The following CACNA1H variants were observed in gnomAD, a reference collection of about 807,000 sequenced individuals.
CACNA1H encodes calcium voltage-gated channel subunit alpha1 H.
A neutral mutation model predicts 192.5 loss-of-function variants in CACNA1H; 149 were observed. The observed-to-expected ratio is 0.77, with a 90% CI of 0.68 to 0.89. CACNA1H has a LOEUF of 0.89. CACNA1H is among the 40% of genes least tolerant of loss of function. The pLI is 0.00. For missense variants in CACNA1H, 4,257 were observed against 3,423.5 expected (o/e 1.24, Z -6.08); for synonymous variants, 2,202 against 1,475.2 (o/e 1.49, Z -11.29).
In CACNA1H at chr16:1,210,201, C is replaced by G. The variant is rs919906928; in HGVS notation, c.3845+66C>G. The G allele has an allele frequency of 1.8e-5, 24 of 1,353,678 alleles. No individual in the cohort carries two copies. In the East Asian group the frequency reaches 6.0e-4, roughly 34 times the overall value. The allele number at this position is 1,353,678 out of a possible 1,614,324, so 83.9% of individuals were successfully genotyped here. The stretch of plus-strand genomic sequence containing the variant: ...CCCACGGGACCCCCGCCCCCAGGTC[C>G]CTCCTGGGTGGGGCTAGCACATGGT... On this transcript the variant is annotated intron_variant, in intron 18 of 34. Coordinates refer to ENST00000348261, the MANE Select transcript of CACNA1H (RefSeq NM_021098.3).
chr16:1,220,443 T>C lies in CACNA1H; in HGVS notation c.6511T>C (p.Trp2171Arg), dbSNP rs746446797. Reference sequence around the variant, plus strand: ...CGGGGAGCCTGGGGAGGCGAAGGCCTGGGGCCCTGAGGCCGAGCCCGCTCT... The same window carrying C: ...CGGGGAGCCTGGGGAGGCGAAGGCCCGGGGCCCTGAGGCCGAGCCCGCTCT... ...GSGEPGEAKA[W>R]GPEAEPALGA... Residue 2171 changes from tryptophan to arginine, a missense_variant, in exon 35 of 35, where the codon TGG becomes CGG. Transcript: ENST00000348261. The C allele has an allele frequency of 1.9e-6, 3 of 1,538,480 alleles. No homozygotes were observed. Among genetic ancestry groups the C allele is most frequent in the Non-Finnish European group, 2.6e-6 (3 of 1,151,502 alleles).
At chr16:1,215,154 C>A (rs1969905680) in intron 28 of CACNA1H, 73 bp downstream of exon 28, 1 of 1,580,354 alleles carries the variant, frequency 6.3e-7, no homozygotes, top group Non-Finnish European at 8.6e-7. Context: ...GGTGAGGCCG[C>A]AGGCTTTCCC....
rs769258317 is a variant in CACNA1H, at chr16:1,204,147, C to T, written c.2140C>T (p.Leu714Phe). The T allele has an allele frequency of 6.2e-7, 1 of 1,612,392 alleles. No individual in the cohort carries two copies. The highest frequency in any genetic ancestry group is 2.2e-5 in the East Asian group (1 of 44,878). ...TRALEDPEGE[L>F]SGSESGDSDG... ...TGCCCTGGAGGACCCGGAGGGTGAG[C>T]TCAGCGGCTCGGAAAGTGGAGACTC... The change falls in exon 10 of 35, where the codon CTC (leucine) becomes TTC (phenylalanine). Residue 714 changes from leucine (L) to phenylalanine (F), a missense_variant. Transcript: ENST00000348261.
chr16:1,218,076 C>T (rs1284506724), intron 32 of CACNA1H, 36 bp downstream of exon 32: 2 of 1,583,880 alleles, frequency 1.3e-6, no homozygotes, highest in Non-Finnish European at 1.7e-6. Context: ...CACCTGGCAG[C>T]CCCAGCGGTT....
rs1361482518 is a variant in CACNA1H, at chr16:1,167,830, G to A, written c.299+13794G>A. 1.3e-4 allele frequency among the ~76,000 whole-genome samples: 20 copies of A among 152,350 alleles called. No homozygotes were observed. Among genetic ancestry groups the A allele is most frequent in the South Asian group, 2.1e-4 (1 of 4,832 alleles). On this transcript the variant is annotated intron_variant, in intron 2 of 34. Transcript: ENST00000348261. This position sits in a 1 kb window ranked among gnomAD's most constrained non-coding sequence, Gnocchi z 4.2. ...GTGTGCTTAGAAAGTGCACCTGCGA[G>A]GTTGGGGCGTGGCCTGGCCGTCCGT...
At chr16:1,203,940 G>T in intron 9 of CACNA1H, 70 bp from the exon 10 acceptor site, 1 of 1,202,914 alleles carries the variant, frequency 8.3e-7, no homozygotes, top group East Asian at 2.6e-5. Context: ...GCTCCTGTGT[G>T]TGAGGGTTCC....
At position 1,218,029 on chromosome 16, in the gene CACNA1H, G is replaced by A. The variant is rs959922871; in HGVS notation, c.5434G>A (p.Gly1812Arg). ...FRVSTGDNWN[G>R]IMKDTLRECS... ...CGTGTCCACGGGGGACAACTGGAAC[G>A]GGATCATGAAGGTACCCGCCGCGGC... Residue 1812 changes from glycine to arginine, a missense_variant, in exon 32 of 35, where the codon GGG (glycine) becomes AGG (arginine). Gly to Arg is a moderately radical substitution (Grantham distance 125). Coordinates refer to ENST00000348261, the MANE Select transcript of CACNA1H (RefSeq NM_021098.3). The A allele has an allele frequency of 6.3e-7, 1 of 1,599,596 alleles. No individual in the cohort carries two copies.
At chr16:1,170,704 G>T (rs1385922217) in intron 2 of CACNA1H, among the ~76,000 whole-genome samples, 2 of 152,170 alleles carry the variant, frequency 1.3e-5, no homozygotes, top group Admixed American at 6.5e-5. Context: ...AGGGATTTCG[G>T]GGTGAGGGAA....
chr16:1,153,342 GGGGGCC>G lies in CACNA1H; in HGVS notation c.-130_-125del, dbSNP rs943338712. The G allele has an allele frequency of 2.8e-3, 288 of 101,490 alleles. 2 individuals are homozygous for G. Among genetic ancestry groups the G allele is most frequent in the East Asian group, 7.1e-3 (29 of 4,108 alleles). 6.3% of individuals were successfully genotyped at this position (101,490 alleles called of 1,614,324 possible). ...GACGCGGGCCGGGGGCGGAGGCGCT[GGGGGCC>G]GGGGCCGGGGCCGGGGGCGGAGGCG... is the stretch of plus-strand genomic sequence containing the variant. On this transcript the variant is annotated 5_prime_UTR_variant, in exon 1 of 35. Transcript: ENST00000348261.
At position 1,204,408 on chromosome 16, in the gene CACNA1H, A is replaced by G. The variant is rs1489271837; in HGVS notation, c.2401A>G (p.Met801Val). 3 of 1,553,792 alleles carry G rather than the reference A, an allele frequency of 1.9e-6. No homozygotes were observed. The highest frequency in any genetic ancestry group is 2.6e-6 in the Non-Finnish European group (3 of 1,150,738). ...CAAGTACTTCAGCCGTGGCATCATG[A>G]TGGCCATCCTTGTCAACACGCTGAG... ...DSKYFSRGIM[M>V]AILVNTLSMG... The change falls in exon 10 of 35, where the codon ATG becomes GTG. Residue 801 changes from methionine (M) to valine (V), a missense_variant. Coordinates refer to ENST00000348261, the MANE Select transcript of CACNA1H (RefSeq NM_021098.3).
Position 1,208,184 on chromosome 16 carries a change from G to C in CACNA1H, c.3326G>C (p.Ser1109Thr), listed in dbSNP as rs1968979902. The C allele has an allele frequency of 6.5e-7, 1 of 1,548,160 alleles. No individual in the cohort carries two copies. Among genetic ancestry groups the C allele is most frequent in the African/African-American group, 1.4e-5 (1 of 73,044 alleles). Residue 1109 changes from serine to threonine, a missense_variant, in exon 16 of 35, where the codon AGC becomes ACC. Ser to Thr is a moderately conservative substitution (Grantham distance 58, BLOSUM62 1). Coordinates refer to ENST00000348261, the MANE Select transcript of CACNA1H (RefSeq NM_021098.3). ...CCAGACTCTCGGCGTGGCAGCAGCAGCTCCGGGGACCCGCCACTGGGAGAC... is the reference window on the plus strand; with the variant it reads ...CCAGACTCTCGGCGTGGCAGCAGCACCTCCGGGGACCCGCCACTGGGAGAC... The part of the protein sequence containing the change: ...SLPDSRRGSS[S>T]SGDPPLGDQK...
chr16:1,212,377 G>T, intron 25 of CACNA1H, 134 bp from the exon 26 acceptor site: 1 of 1,060,440 alleles, frequency 9.4e-7, no homozygotes, highest in Non-Finnish European at 1.4e-6. Flanking sequence ...CAAGAGGCAG[G>T]TTCCCCACCG....
intron 2 of CACNA1H, among the ~76,000 whole-genome samples, chr16:1,155,684 G>A (rs2084885901): frequency 6.6e-6 from 1 of 152,158 alleles, no homozygotes; most frequent in Non-Finnish European, 1.5e-5. Flanking sequence ...CCCGGGCCTG[G>A]CTGTCCTGTC....
At chr16:1,206,689 C>T (rs1228868396) in intron 12 of CACNA1H, 7 of 458,176 alleles carry the variant, frequency 1.5e-5, no homozygotes, top group Non-Finnish European at 2.4e-5. Context: ...CTTTCACAGT[C>T]CAGAGAGGCT....
At chr16:1,188,670 G>A (rs1277049214) in intron 2 of CACNA1H, among the ~76,000 whole-genome samples, 1 of 152,226 alleles carries the variant, frequency 6.6e-6, no homozygotes, top group Non-Finnish European at 1.5e-5. Flanking sequence ...GCGCTTTCAA[G>A]CTGGGAAGAG....
intron 2 of CACNA1H, among the ~76,000 whole-genome samples, chr16:1,160,584 G>C (rs1219545904): frequency 6.6e-6 from 1 of 152,226 alleles, no homozygotes; most frequent in Non-Finnish European, 1.5e-5. Flanking sequence ...CCGTGGTGCA[G>C]GGGGTGTGCC....
chr16:1,220,408 A>C lies in CACNA1H; in HGVS notation c.6476A>C (p.Glu2159Ala). The change falls in exon 35 of 35, where the codon GAG becomes GCG. Residue 2159 changes from glutamate (E) to alanine (A), a missense_variant. Transcript: ENST00000348261. Reference sequence around the variant, plus strand: ...GACGAGCAGTGGCGGCCCTCGGCGGAGCTGGGCAGCGGGGAGCCTGGGGAG... The same window carrying C: ...GACGAGCAGTGGCGGCCCTCGGCGGCGCTGGGCAGCGGGGAGCCTGGGGAG... ...RADEQWRPSA[E>A]LGSGEPGEAK... 1 of 1,525,768 alleles carries C rather than the reference A, an allele frequency of 6.6e-7. No homozygotes were observed. Among genetic ancestry groups the C allele is most frequent in the Non-Finnish European group, 8.7e-7 (1 of 1,145,802 alleles). The allele number at this position is 1,525,768 out of a possible 1,614,324, so 94.5% of individuals were successfully genotyped here. A position where few individuals can be genotyped will look rare whatever the true frequency, so the allele number is the denominator to read the frequency against.
At position 1,153,737 on chromosome 16, in the gene CACNA1H, C is replaced by G; in HGVS notation, c.-1C>G. On this transcript the variant is annotated 5_prime_UTR_variant, in exon 2 of 35. Transcript: ENST00000348261. ...CTCTGCAGGTGCTGCCGGCCGCCAC[C>G]ATGACCGAGGGCGCACGGGCCGCCG... 8.3e-7 allele frequency: 1 copy of G among 1,208,748 alleles called. No individual in the cohort carries two copies. Among genetic ancestry groups the G allele is most frequent in the Non-Finnish European group, 1.0e-6 (1 of 973,272 alleles). The allele number at this position is 1,208,748 out of a possible 1,614,324, so 74.9% of individuals were successfully genotyped here.
rs1431829953 is a variant in CACNA1H at position 1,218,102 on chromosome 16, G to T, written c.5445+62G>T. Reference sequence around the variant, plus strand: ...CCCAGCGGTTTTTCAGGCTCTCCCAGGAACGGGTCGGATCCGTCCTTGCAG... The same window carrying T: ...CCCAGCGGTTTTTCAGGCTCTCCCATGAACGGGTCGGATCCGTCCTTGCAG... On this transcript the variant is annotated intron_variant, in intron 32 of 34. Coordinates refer to ENST00000348261, the MANE Select transcript of CACNA1H (RefSeq NM_021098.3). 7 of 1,558,324 alleles carry T rather than the reference G, an allele frequency of 4.5e-6. No homozygotes were observed. The East Asian group carries it at 1.7e-4, about 37-fold the overall frequency.
Sources: gnomAD v4.1 joint callset for allele counts (sites outside exome capture counted in the v4.1 genomes callset) on GRCh38, gnomAD v4.1.1 for gene constraint, Gnocchi (gnomAD v3.1) non-coding constraint, MANE v1.5 for transcripts, NCBI Gene and HGNC (gene_info 2026-07-23, HGNC 2026-07-21) for gene names.